GPR107: variants seen among roughly 807,000 people sequenced by gnomAD.
The protein encoded by GPR107 is G protein-coupled receptor 107.
GPR107 carries 31 observed loss-of-function variants against 75.5 expected under a neutral mutation model. The observed-to-expected ratio is 0.41, with a 90% CI of 0.31 to 0.55. The LOEUF is 0.55. Ranked by LOEUF, GPR107 falls within the 20% of genes least tolerant of loss-of-function variation. The probability of loss-of-function intolerance (pLI) is 0.26; values close to 1 mark genes in which losing one functional copy is unlikely to be tolerated. For synonymous variants in GPR107, 267 were observed against 251.3 expected, an observed-to-expected ratio of 1.06 and a Z score of -0.59; for missense variants, 572 against 665.7, an observed-to-expected ratio of 0.86 and a Z score of 1.55.
At chr9:130,067,075 T>G (rs10819596) in intron 1 of GPR107, among the ~76,000 whole-genome samples, 137,770 of 152,162 alleles carry the variant, frequency 0.91, 62,809 homozygotes, top group East Asian at 0.97. Flanking sequence ...GCTGGGAGAA[T>G]GTGACACTGA....
At position 130,139,039 on chromosome 9, in the gene GPR107, T is replaced by TGC. The variant is rs1554900409; in HGVS notation, c.*3918_*3919insGC. On this transcript the variant is annotated 3_prime_UTR_variant, in exon 18 of 18. Transcript: ENST00000347136. ...TGCTGTACTTCAAAGGAAACAGATC[T>TGC]AGCACACTGCTGCACCCCTGCTTCC... 2.0e-5 allele frequency: 3 copies of TGC among 152,250 alleles called. No homozygotes were observed. Among genetic ancestry groups the TGC allele is most frequent in the African/African-American group, 7.3e-5 (3 of 41,376 alleles). The allele number at this position is 152,250 out of a possible 1,614,324, so 9.4% of individuals were successfully genotyped here. A position where few individuals can be genotyped will look rare whatever the true frequency, so the allele number is the denominator to read the frequency against.
At chr9:130,130,036 T>C (rs994796040) in intron 17 of GPR107, 32 of 152,242 alleles carry the variant, frequency 2.1e-4, no homozygotes, top group African/African-American at 7.5e-4. Context: ...GTTTTGGTGC[T>C]TCTTTGACAA....
At chr9:130,088,407 CTCTG>C (rs1418736993) in intron 7 of GPR107, among the ~76,000 whole-genome samples, 1 of 152,354 alleles carries the variant, frequency 6.6e-6, no homozygotes, top group East Asian at 1.9e-4. Context: ...CCTCATTGTG[CTCTG>C]TCTTTCCTTA....
chr9:130,109,167 T>G (rs992080693), intron 14 of GPR107, among the ~76,000 whole-genome samples: 1 of 151,914 alleles, frequency 6.6e-6, no homozygotes, highest in African/African-American at 2.4e-5. Flanking sequence ...GCCTGGCTAA[T>G]TTGGGGATAT....
Position 130,135,353 on chromosome 9 carries a change from C to G in GPR107, c.*232C>G. On this transcript the variant is annotated 3_prime_UTR_variant, in exon 18 of 18. Transcript: ENST00000347136. ...CCTCTTTCAGGCGGGAATGGGAGGG[C>G]GGGCACAGGGAGGAGGAGAGGAAGA... 23 of 331,486 alleles carry G rather than the reference C, an allele frequency of 6.9e-5. No homozygotes were observed. The highest frequency in any genetic ancestry group is 8.4e-4 in the Middle Eastern group (1 of 1,186). 20.5% of individuals were successfully genotyped at this position (331,486 alleles called of 1,614,324 possible). A position where few individuals can be genotyped will look rare whatever the true frequency, so the allele number is the denominator to read the frequency against.
At chr9:130,069,426 G>A (rs977107419) in intron 1 of GPR107, among the ~76,000 whole-genome samples, 32 of 152,314 alleles carry the variant, frequency 2.1e-4, no homozygotes, top group Admixed American at 1.8e-3. Context: ...ATGATAGGGT[G>A]GAAGTGGAGA....
chr9:130,139,356 C>T lies in GPR107; in HGVS notation c.*4235C>T, dbSNP rs1476288127. 6.6e-6 allele frequency: 1 copy of T among 152,204 alleles called. No homozygotes were observed. Among genetic ancestry groups the T allele is most frequent in the African/African-American group, 2.4e-5 (1 of 41,440 alleles). The allele number at this position is 152,204 out of a possible 1,614,324, so 9.4% of individuals were successfully genotyped here. A position where few individuals can be genotyped will look rare whatever the true frequency, so the allele number is the denominator to read the frequency against. ...TTTAAAAGGCATCTACCTGAGTTGA[C>T]GCTAATACTTGTCACCACCTGGAAC... On this transcript the variant is annotated 3_prime_UTR_variant, in exon 18 of 18. Coordinates refer to ENST00000347136, the MANE Select transcript of GPR107 (RefSeq NM_020960.5).
rs1831025598 is a variant in GPR107, at chr9:130,101,225, T to TA, written c.1131+6dup. 7.1e-6 allele frequency: 10 copies of TA among 1,410,824 alleles called. No individual in the cohort carries two copies. The Admixed American group carries it at 1.0e-4, about 14-fold the overall frequency. 87.4% of individuals were successfully genotyped at this position (1,410,824 alleles called of 1,614,324 possible). On this transcript the variant is annotated splice_region_variant and intron_variant, in intron 12 of 17. Transcript: ENST00000347136. Reference sequence around the variant, plus strand: ...TTCATGATTGTCATTCCACTCCAGGTAAAAGAACCCTCATCCCATTTGTCA... The same window carrying TA: ...TTCATGATTGTCATTCCACTCCAGGTAAAAAGAACCCTCATCCCATTTGTCA...
At chr9:130,068,497 A>AC (rs1554890820) in intron 1 of GPR107, among the ~76,000 whole-genome samples, 21 of 151,692 alleles carry the variant, frequency 1.4e-4, no homozygotes, top group Non-Finnish European at 1.2e-4. Flanking sequence ...AAGTCTGTAG[A>AC]CCCCCAGTTG....
chr9:130,075,347 C>T (rs1830317485), intron 1 of GPR107, among the ~76,000 whole-genome samples: 1 of 144,294 alleles, frequency 6.9e-6, no homozygotes, highest in Admixed American at 7.3e-5. Flanking sequence ...CAGGTTCAAG[C>T]AATTCTGCTG....
At chr9:130,132,828 T>TC (rs1831860734) in intron 17 of GPR107, among the ~76,000 whole-genome samples, 3 of 91,454 alleles carry the variant, frequency 3.3e-5, no homozygotes, top group Non-Finnish European at 7.9e-5. Flanking sequence ...TTTTTATATA[T>TC]TTATATATAT....
At chr9:130,097,155 CTTTTTTTT>C (rs71387312) in intron 9 of GPR107, among the ~76,000 whole-genome samples, 6 of 130,172 alleles carry the variant, frequency 4.6e-5, no homozygotes, top group Admixed American at 2.5e-4. Flanking sequence ...TCTTTTTTTT[CTTTTTTTT>C]TTTTTTTTTG....
At chr9:130,114,424 G>T (rs150199225) in intron 14 of GPR107, 1 of 165,050 alleles carries the variant, frequency 6.1e-6, no homozygotes. Flanking sequence ...CCTGTGTCAC[G>T]CAGGCTGGAG....
intron 14 of GPR107, among the ~76,000 whole-genome samples, chr9:130,110,071 G>A (rs191483319): frequency 3.2e-4 from 49 of 152,080 alleles, no homozygotes; most frequent in African/African-American, 1.1e-3. Flanking sequence ...CCTTCTTTGC[G>A]TCCTCCCCGG....
intron 14 of GPR107, chr9:130,121,026 G>A (rs1426698408): frequency 1.3e-5 from 2 of 152,202 alleles, no homozygotes; most frequent in East Asian, 1.9e-4. Context: ...GCAACGTAGT[G>A]AGACCCTGTC....
intron 9 of GPR107, among the ~76,000 whole-genome samples, chr9:130,093,773 G>A (rs1011184629): frequency 6.6e-6 from 1 of 151,990 alleles, no homozygotes; most frequent in Non-Finnish European, 1.5e-5. Flanking sequence ...TTGAGTCTGT[G>A]AGTTTGAGAC....
intron 9 of GPR107, among the ~76,000 whole-genome samples, chr9:130,099,254 G>A (rs936541205): frequency 1.3e-5 from 2 of 151,982 alleles, no homozygotes; most frequent in Non-Finnish European, 2.9e-5. Flanking sequence ...GTTCAAGGCT[G>A]CAGTGAGCCG....
At chr9:130,119,157 T>C (rs4837466) in intron 14 of GPR107, among the ~76,000 whole-genome samples, 149,503 of 152,328 alleles carry the variant, frequency 0.98, 73,377 homozygotes, top group East Asian at 1. Flanking sequence ...TGCGACCTGC[T>C]GCCTGGCTGC....
At chr9:130,108,711 T>G (rs751993104) in intron 14 of GPR107, 9 of 455,750 alleles carry the variant, frequency 2.0e-5, no homozygotes, top group Non-Finnish European at 4.0e-5. Flanking sequence ...AGCTTTTGTT[T>G]TCTTTCTAGT....
Sources: allele counts gnomAD v4.1 joint callset (sites outside exome capture counted in the v4.1 genomes callset), GRCh38; gene constraint gnomAD v4.1.1; transcripts MANE v1.5; gene names NCBI Gene and HGNC (gene_info 2026-07-23, HGNC 2026-07-21).